Variants in RXYLT1 observed in about 807,000 individuals in gnomAD.
The protein encoded by RXYLT1 is ribitol xylosyltransferase 1, also known as ribitol-5-phosphate xylosyltransferase 1.
RXYLT1 carries 41 observed loss-of-function variants against 43.5 expected under a neutral mutation model. The ratio of observed to expected loss-of-function variants is 0.94; its 90% CI spans 0.73 to 1.22. RXYLT1 has a LOEUF of 1.22. RXYLT1 is among the 50% of genes most tolerant of loss of function. The probability of loss-of-function intolerance (pLI) is 0.00; values close to 1 mark genes in which losing one functional copy is unlikely to be tolerated. For missense variants in RXYLT1, 514 were observed against 532.0 expected (o/e 0.97, Z 0.33); for synonymous variants, 166 against 194.4 (o/e 0.85, Z 1.21).
At chr12:63,780,235 G>A in intron 1 of RXYLT1, 106 bp downstream of exon 1, 2 of 1,386,860 alleles carry the variant, frequency 1.4e-6, no homozygotes, top group Non-Finnish European at 1.8e-6. Flanking sequence ...GGGATTACCC[G>A]CAGGGCCTGA....
chr12:63,785,140 C>A, intron 3 of RXYLT1, 68 bp downstream of exon 3: 9 of 1,049,306 alleles, frequency 8.6e-6, no homozygotes, highest in Middle Eastern at 2.2e-4. Context: ...TCTGTAAATA[C>A]TAAAAGAAAA....
At chr12:63,786,635 A>T (rs187222456) in intron 3 of RXYLT1, among the ~76,000 whole-genome samples, 1 of 152,294 alleles carries the variant, frequency 6.6e-6, no homozygotes, top group African/African-American at 2.4e-5. Flanking sequence ...GTTGATGTCT[A>T]ATCAGTGTAT....
intron 3 of RXYLT1, among the ~76,000 whole-genome samples, chr12:63,786,646 T>C (rs1303995792): frequency 6.6e-6 from 1 of 152,218 alleles, no homozygotes; most frequent in African/African-American, 2.4e-5. Context: ...ATCAGTGTAT[T>C]GATGACTAAT....
At chr12:63,785,184 A>C in intron 3 of RXYLT1, 112 bp downstream of exon 3, 1 of 628,540 alleles carries the variant, frequency 1.6e-6, no homozygotes, top group Non-Finnish European at 2.5e-6. Context: ...AAATACTTCT[A>C]TTTCAACTTG....
At chr12:63,785,272 A>G (rs976673372) in intron 3 of RXYLT1, 200 bp downstream of exon 3, 1 of 293,034 alleles carries the variant, frequency 3.4e-6, no homozygotes, top group African/African-American at 2.2e-5. Flanking sequence ...TGTATATTAC[A>G]GAATACTCCT....
At chr12:63,786,425 CAT>C (rs1897801712) in intron 3 of RXYLT1, among the ~76,000 whole-genome samples, 1 of 151,748 alleles carries the variant, frequency 6.6e-6, no homozygotes, top group South Asian at 2.1e-4. Flanking sequence ...TAAAGCAAGT[CAT>C]ATGAATTTTT....
At position 63,781,011 on chromosome 12, in the gene RXYLT1, T is replaced by A; in HGVS notation, c.170-8T>A. On this transcript the variant is annotated splice_polypyrimidine_tract_variant and splice_region_variant and intron_variant, in intron 1 of 5. Transcript: ENST00000261234. ...CTTACTGGTAAACACTTACTCTTTT[T>A]AAAACAGAACAGTCCACTTTGGAAA... 1 of 1,572,078 alleles carries A rather than the reference T, an allele frequency of 6.4e-7. No homozygotes were observed. Among genetic ancestry groups the A allele is most frequent in the African/African-American group, 1.4e-5 (1 of 71,964 alleles).
At chr12:63,787,749 C>T (rs1897837581) in intron 3 of RXYLT1, among the ~76,000 whole-genome samples, 1 of 152,066 alleles carries the variant, frequency 6.6e-6, no homozygotes, top group East Asian at 1.9e-4. Flanking sequence ...GCTTCAACAT[C>T]CCAAGTAGCT....
intron 3 of RXYLT1, among the ~76,000 whole-genome samples, chr12:63,792,853 C>T (rs1001559517): frequency 1.3e-5 from 2 of 152,196 alleles, no homozygotes; most frequent in African/African-American, 2.4e-5. Flanking sequence ...ACATCATCTA[C>T]AAGTCACCTC....
At position 63,805,409 on chromosome 12, in the gene RXYLT1, G is replaced by A. The variant is rs777136182; in HGVS notation, c.914+5G>A. On this transcript the variant is annotated splice_donor_5th_base_variant and intron_variant, in intron 5 of 5. Coordinates refer to ENST00000261234, the MANE Select transcript of RXYLT1 (RefSeq NM_014254.3). ...TTGGGTTTCAGCAAGAGAACAGTAAGTTCTATGCTTATTTAATTCATTCAT... is the reference window on the plus strand; with the variant it reads ...TTGGGTTTCAGCAAGAGAACAGTAAATTCTATGCTTATTTAATTCATTCAT... 3.8e-6 allele frequency: 6 copies of A among 1,574,646 alleles called. No homozygotes were observed. In the African/African-American group the frequency reaches 5.5e-5, roughly 14 times the overall value.
At chr12:63,792,921 G>C (rs987727569) in intron 3 of RXYLT1, among the ~76,000 whole-genome samples, 11 of 152,174 alleles carry the variant, frequency 7.2e-5, no homozygotes, top group African/African-American at 2.4e-4. Flanking sequence ...AAGAGATGGG[G>C]GTCTTGCTAT....
intron 3 of RXYLT1, among the ~76,000 whole-genome samples, chr12:63,791,052 G>A (rs186141883): frequency 1.9e-3 from 289 of 151,900 alleles, no homozygotes; most frequent in African/African-American, 6.7e-3. Context: ...TTACCCCTCC[G>A]TCATGTACCT....
intron 2 of RXYLT1, chr12:63,782,592 C>T (rs1232092595): frequency 6.6e-6 from 3 of 456,546 alleles, no homozygotes; most frequent in Non-Finnish European, 1.3e-5. Context: ...ACCTTGTGGG[C>T]CCTCTGTGTA....
chr12:63,781,075 G>T lies in RXYLT1; in HGVS notation c.226G>T (p.Glu76Ter). 1.2e-6 allele frequency: 2 copies of T among 1,608,970 alleles called. No homozygotes were observed. Among genetic ancestry groups the T allele is most frequent in the South Asian group, 2.2e-5 (2 of 89,968 alleles). Reference protein sequence around the residue: ...WNPWEGDEKNEQQHRFKTSLQ... With the variant: ...WNPWEGDEKN ...TCCTTGGGAAGGAGATGAAAAAAATGAGCAACAACACAGATTTAAAACTAG... is the reference window on the plus strand; with the variant it reads ...TCCTTGGGAAGGAGATGAAAAAAATTAGCAACAACACAGATTTAAAACTAG... Residue 76 changes from glutamate to a stop codon, truncating the protein, a stop_gained, in exon 2 of 6, where the codon GAG becomes TAG. Transcript: ENST00000261234. LOFTEE classifies it high-confidence loss of function.
At chr12:63,795,538 C>T (rs1233437323) in intron 3 of RXYLT1, 1 of 151,160 alleles carries the variant, frequency 6.6e-6, no homozygotes, top group African/African-American at 2.4e-5. Flanking sequence ...CTAGATCACA[C>T]CACTGCACTC....
At chr12:63,808,385 A>C in intron 5 of RXYLT1, 1 of 379,476 alleles carries the variant, frequency 2.6e-6, no homozygotes, top group Non-Finnish European at 4.7e-6. Flanking sequence ...AGGGCAAGGT[A>C]GGGAAGAGAG....
chr12:63,784,934 A>T, intron 2 of RXYLT1, 36 bp from the exon 3 acceptor site: 2 of 1,569,550 alleles, frequency 1.3e-6, no homozygotes, highest in Middle Eastern at 1.7e-4. Flanking sequence ...TGAGACAGTA[A>T]ATTGTTTTGA....
chr12:63,780,214 C>T, intron 1 of RXYLT1, 85 bp downstream of exon 1: 2 of 1,392,154 alleles, frequency 1.4e-6, no homozygotes, highest in Non-Finnish European at 9.2e-7. Flanking sequence ...CCGCACCCGG[C>T]TCTCAAGTCC....
chr12:63,796,231 T>G (rs1228202038), intron 3 of RXYLT1, among the ~76,000 whole-genome samples: 1 of 152,214 alleles, frequency 6.6e-6, no homozygotes, highest in African/African-American at 2.4e-5. Context: ...TGATGTTTCC[T>G]TACAGTTCAG....
Sources: gnomAD v4.1 joint callset for allele counts (sites outside exome capture counted in the v4.1 genomes callset) on GRCh38, gnomAD v4.1.1 for gene constraint, MANE v1.5 for transcripts, NCBI Gene and HGNC (gene_info 2026-07-23, HGNC 2026-07-21) for gene names.